SNX32: variants seen among roughly 807,000 people sequenced by gnomAD.
SNX32 encodes sorting nexin 32, also known as sorting nexin-32.
In SNX32, 58 loss-of-function variants were observed where a neutral mutation model predicts 57.0. The observed-to-expected ratio is 1.02, with a 90% CI of 0.82 to 1.27. The LOEUF is 1.27. SNX32 is among the 50% of genes most tolerant of loss of function. The probability of loss-of-function intolerance (pLI) is 0.00; values close to 1 mark genes in which losing one functional copy is unlikely to be tolerated. For missense variants in SNX32, 589 were observed against 541.2 expected (o/e 1.09, Z -0.88); for synonymous variants, 262 against 220.4 (o/e 1.19, Z -1.67).
At chr11:65,839,230 T>TTTTTTTGTTTGTTTTTG (rs1396546543) in intron 1 of SNX32, among the ~76,000 whole-genome samples, 2 of 16,546 alleles carry the variant, frequency 1.2e-4, no homozygotes. Flanking sequence ...TTTGTATTTT[T>TTTTTTTGTTTGTTTTTG]TTTTTTTTTT....
At chr11:65,851,862 CGT>C (rs1345242568) in intron 9 of SNX32, among the ~76,000 whole-genome samples, 183 bp downstream of exon 9, 6 of 152,070 alleles carry the variant, frequency 3.9e-5, no homozygotes, top group South Asian at 2.1e-4. Context: ...GATCCAGCTT[CGT>C]GTGTGTGTTG....
chr11:65,834,137 C>T, intron 1 of SNX32, 36 bp downstream of exon 1: 1 of 1,548,100 alleles, frequency 6.5e-7, no homozygotes, highest in African/African-American at 1.4e-5. Context: ...CCCAGCCTCC[C>T]CTCACTCCAT....
chr11:65,850,320 C>G, intron 4 of SNX32, 49 bp downstream of exon 4: 1 of 1,613,966 alleles, frequency 6.2e-7, no homozygotes, highest in Non-Finnish European at 8.5e-7. Flanking sequence ...AGATGTCTTC[C>G]CCAGCTATCT....
rs544550794 is a variant in SNX32 at position 65,844,486 on chromosome 11, C to T, written c.37-4992C>T. Among the ~76,000 whole-genome samples the T allele has an allele frequency of 5.9e-5, 9 of 151,682 alleles. No homozygotes were observed. The East Asian group carries it at 7.7e-4, about 13-fold the overall frequency. ...AGAGAGAGAGAGATAAAATGACTAA[C>T]GACTCTGTGGCAAAGATGTAGTACA... On this transcript the variant is annotated intron_variant, in intron 1 of 12. Transcript: ENST00000308342.
chr11:65,852,963 G>A lies in SNX32; in HGVS notation c.1158+5G>A. On this transcript the variant is annotated splice_donor_5th_base_variant and intron_variant, in intron 12 of 12. Transcript: ENST00000308342. ...CTGGAGCTCAAACACGCCAAGGTGA[G>A]CCCTCCCACCTCACTGGGCCCTTGT... The A allele has an allele frequency of 6.2e-7, 1 of 1,614,012 alleles. No individual in the cohort carries two copies. The highest frequency in any genetic ancestry group is 8.5e-7 in the Non-Finnish European group (1 of 1,179,958).
rs766660309 is a variant in SNX32 at position 65,852,881 on chromosome 11, G to T, written c.1081G>T (p.Asp361Tyr). ...LSDSAKQELM[D>Y]FKSRRVSSFR... is the part of the protein sequence containing the mutation. ...CTTCCCCTCCTCTCCAGAGCTCATG[G>T]ACTTCAAGTCCCGCCGGGTCTCCTC... The change falls in exon 12 of 13, where the codon GAC becomes TAC. Residue 361 changes from aspartate to tyrosine, a missense_variant. Asp to Tyr is a radical substitution (Grantham distance 160). Coordinates refer to ENST00000308342, the MANE Select transcript of SNX32 (RefSeq NM_152760.3). 2 of 1,614,180 alleles carry T rather than the reference G, an allele frequency of 1.2e-6. No individual in the cohort carries two copies. The highest frequency in any genetic ancestry group is 1.7e-6 in the Non-Finnish European group (2 of 1,180,016).
At chr11:65,844,835 G>A (rs535916431) in intron 1 of SNX32, among the ~76,000 whole-genome samples, 10 of 151,962 alleles carry the variant, frequency 6.6e-5, no homozygotes, top group East Asian at 1.9e-4. Context: ...GCGTGGTGGC[G>A]GGCACCTGTA....
chr11:65,834,718 TTGTGTCTGAGTG>T (rs1481584659), intron 1 of SNX32, among the ~76,000 whole-genome samples: 5 of 150,446 alleles, frequency 3.3e-5, no homozygotes, highest in African/African-American at 1.2e-4. Context: ...CTGTGTCTCT[TTGTGTCTGAGTG>T]TGTGTCTGTC....
chr11:65,834,292 T>C (rs927282312), intron 1 of SNX32, among the ~76,000 whole-genome samples, 191 bp downstream of exon 1: 1 of 151,686 alleles, frequency 6.6e-6, no homozygotes, highest in Non-Finnish European at 1.5e-5. Flanking sequence ...TCGATGTGCC[T>C]GCATATGTCT....
intron 1 of SNX32, among the ~76,000 whole-genome samples, chr11:65,844,395 T>A (rs1858929647): frequency 6.6e-6 from 1 of 151,698 alleles, no homozygotes; most frequent in Non-Finnish European, 1.5e-5. Flanking sequence ...CTGAGCCCAG[T>A]TCAAGGCCAG....
chr11:65,834,189 C>A, intron 1 of SNX32, 88 bp downstream of exon 1: 1 of 409,384 alleles, frequency 2.4e-6, no homozygotes, highest in Non-Finnish European at 3.9e-6. Flanking sequence ...GTGTGTGTGT[C>A]TGTGTGTGTG....
intron 1 of SNX32, among the ~76,000 whole-genome samples, chr11:65,839,252 C>T (rs1431756457): frequency 2.9e-3 from 6 of 2,050 alleles, no homozygotes; most frequent in Non-Finnish European, 4.7e-3. Context: ...TTTTTTGAGA[C>T]GGAGTCTCGC....
chr11:65,842,704 C>G (rs1045796885), intron 1 of SNX32, among the ~76,000 whole-genome samples: 1 of 150,924 alleles, frequency 6.6e-6, no homozygotes, highest in Admixed American at 6.6e-5. Flanking sequence ...AATCCCAGCA[C>G]TTTGGGAGAA....
chr11:65,845,298 C>T (rs1206299033), intron 1 of SNX32, among the ~76,000 whole-genome samples: 4 of 151,414 alleles, frequency 2.6e-5, no homozygotes, highest in Non-Finnish European at 5.9e-5. Flanking sequence ...ATTAGCTGGG[C>T]GTGGTGGTGT....
At chr11:65,851,812 C>T (rs1490579642) in intron 9 of SNX32, 133 bp downstream of exon 9, 2 of 953,158 alleles carry the variant, frequency 2.1e-6, no homozygotes, top group Admixed American at 1.9e-5. Context: ...GTTGGGCTTA[C>T]ACTCCAGACT....
At chr11:65,839,743 A>G in intron 1 of SNX32, among the ~76,000 whole-genome samples, 1 of 152,116 alleles carries the variant, frequency 6.6e-6, no homozygotes, top group East Asian at 1.9e-4. Context: ...AAAAAAAAAA[A>G]AAAAAATTAT....
In SNX32 at chr11:65,849,975, AG is replaced by A. The variant is rs768042424; in HGVS notation, c.198del (p.Glu66AspfsTer54). 4 of 1,609,100 alleles carry A rather than the reference AG, an allele frequency of 2.5e-6. No individual in the cohort carries two copies. The highest frequency in any genetic ancestry group is 3.4e-6 in the Non-Finnish European group (4 of 1,176,254). On this transcript the variant is annotated frameshift_variant, in exon 3 of 13. Coordinates refer to ENST00000308342, the MANE Select transcript of SNX32 (RefSeq NM_152760.3). LOFTEE classifies it high-confidence loss of function. ...TTCTCAGTCGTGCGGCAGCACGAGG[AG>A]TTCATCTGGCTGCATGATGCCTACG... ...TEFSVVRQHE[E>X]FIWLHDAYVE...
At chr11:65,851,537 G>C in intron 8 of SNX32, 103 bp from the exon 9 acceptor site, 1 of 1,533,878 alleles carries the variant, frequency 6.5e-7, no homozygotes. Flanking sequence ...GATGGTGTTG[G>C]GAAGGAAAGG....
rs148269536 is a variant in SNX32 at position 65,838,080 on chromosome 11, T to C, written c.36+3979T>C. On this transcript the variant is annotated intron_variant, in intron 1 of 12. Transcript: ENST00000308342. ...CTGAGGTAGGAGAATCACTTGAACC[T>C]GGGAGGCGGAGGTTGCAGTGAGCCA... 4.3e-3 allele frequency among the ~76,000 whole-genome samples: 655 copies of C among 151,492 alleles called. 24 individuals are homozygous for C. The East Asian group carries it at 0.1, about 24-fold the overall frequency.
Sources: gnomAD v4.1 joint callset for allele counts (sites outside exome capture counted in the v4.1 genomes callset) on GRCh38, gnomAD v4.1.1 for gene constraint, MANE v1.5 for transcripts, NCBI Gene and HGNC (gene_info 2026-07-23, HGNC 2026-07-21) for gene names.